VPS13C: variants seen among roughly 807,000 people sequenced by gnomAD.
The protein encoded by VPS13C is intermembrane lipid transfer protein VPS13C.
VPS13C carries 358 observed loss-of-function variants against 456.8 expected under a neutral mutation model. The ratio of observed to expected loss-of-function variants is 0.78; its 90% confidence interval spans 0.72 to 0.86. The LOEUF is 0.86. VPS13C is among the 40% of genes least tolerant of loss of function. VPS13C has a pLI of 0.00. For synonymous variants in VPS13C, 1,578 were observed against 1,486.7 expected, an observed-to-expected ratio of 1.06 and a Z score of -1.41; for missense variants, 4,818 against 4,385.4, an observed-to-expected ratio of 1.10 and a Z score of -2.79.
rs766129799 is a variant in VPS13C at position 61,962,431 on chromosome 15, C to T, written c.3543G>A (p.Leu1181=). ...TCTGAATACAGCCAACATTCAGAGA[C>T]AGCACACCATCCACTTTGGACATGT... is the stretch of plus-strand genomic sequence containing the variant. ...YTDMSKVDGV[L]SLNVGCIQIV... is the part of the protein sequence containing the mutation. Residue 1181 remains leucine (L), a synonymous_variant, in exon 34 of 85, where the codon CTG becomes CTA. Transcript: ENST00000644861. The T allele has an allele frequency of 5.7e-5, 92 of 1,611,024 alleles. No homozygotes were observed. Among genetic ancestry groups the T allele is most frequent in the Admixed American group, 1.0e-4 (6 of 59,944 alleles).
intron 79 of VPS13C, among the ~76,000 whole-genome samples, chr15:61,869,963 G>GGT (rs112245109): frequency 2.8e-4 from 42 of 152,258 alleles, no homozygotes; most frequent in African/African-American, 1.0e-3. Flanking sequence ...GCAACTTGCA[G>GGT]GTGTAAGAAG....
At chr15:61,961,348 C>A (rs1259326692) in intron 35 of VPS13C, among the ~76,000 whole-genome samples, 1 of 150,834 alleles carries the variant, frequency 6.6e-6, no homozygotes, top group Non-Finnish European at 1.5e-5. Flanking sequence ...GCCGAGATCA[C>A]GCCACTGCAC....
intron 66 of VPS13C, among the ~76,000 whole-genome samples, chr15:61,893,320 G>A (rs1038974481): frequency 2.6e-5 from 4 of 152,118 alleles, no homozygotes; most frequent in Non-Finnish European, 5.9e-5. Context: ...GAGGCAGTGG[G>A]ACAACATACT....
intron 38 of VPS13C, among the ~76,000 whole-genome samples, chr15:61,953,283 C>A (rs1007105496): frequency 6.6e-6 from 1 of 151,624 alleles, no homozygotes; most frequent in African/African-American, 2.4e-5. Context: ...TACATGTGCA[C>A]AATGCGCAGG....
chr15:62,013,913 T>G lies in VPS13C; in HGVS notation c.744+20A>C, dbSNP rs375641398. ...AGTGCACCTAGGAAACTAACAAAAA[T>G]TTTTATTCCAACATAATACCTTGTA... On this transcript the variant is annotated intron_variant, in intron 10 of 84. Transcript: ENST00000644861. 123 of 1,579,248 alleles carry G rather than the reference T, an allele frequency of 7.8e-5. No individual in the cohort carries two copies. The highest frequency in any genetic ancestry group is 1.7e-4 in the Middle Eastern group (1 of 5,896).
chr15:62,037,240 A>ATATATAATATATTTATATATATTATAT (rs1351935632), intron 3 of VPS13C, among the ~76,000 whole-genome samples: 6 of 77,810 alleles, frequency 7.7e-5, no homozygotes, highest in African/African-American at 1.7e-4. Context: ...ATATATAAAT[A>ATATATAATATATTTATATATATTATAT]TATATAATAT....
At chr15:61,905,612 T>C (rs1010199401) in intron 66 of VPS13C, among the ~76,000 whole-genome samples, 1 of 152,136 alleles carries the variant, frequency 6.6e-6, no homozygotes, top group Non-Finnish European at 1.5e-5. Context: ...AGCATTAATA[T>C]ATGATATGTC....
chr15:62,019,088 G>A (rs2047363668), intron 9 of VPS13C, among the ~76,000 whole-genome samples: 1 of 152,150 alleles, frequency 6.6e-6, no homozygotes, highest in African/African-American at 2.4e-5. Context: ...GGTGTTTATA[G>A]TATTCTCTGA....
chr15:62,044,160 T>C lies in VPS13C; in HGVS notation c.144+52A>G, dbSNP rs1322415208. 1.2e-5 allele frequency: 16 copies of C among 1,329,804 alleles called. No homozygotes were observed. In the East Asian group the frequency reaches 3.5e-4, roughly 29 times the overall value. 82.4% of individuals were successfully genotyped at this position (1,329,804 alleles called of 1,614,324 possible). On this transcript the variant is annotated intron_variant, in intron 2 of 84. Coordinates refer to ENST00000644861, the MANE Select transcript of VPS13C (RefSeq NM_020821.3). ...CAGATGCCTAGTAGGCAAAGGTTTC[T>C]AAGAACTTACCAAATTAAGTGAGTT... is the stretch of plus-strand genomic sequence containing the variant.
At chr15:61,952,607 T>C (rs1406012859) in intron 38 of VPS13C, among the ~76,000 whole-genome samples, 1 of 152,182 alleles carries the variant, frequency 6.6e-6, no homozygotes, top group African/African-American at 2.4e-5. Flanking sequence ...AAACCTTCAT[T>C]AACTCTGATA....
chr15:61,981,499 G>C (rs1264527232), intron 21 of VPS13C, 21 bp from the exon 22 acceptor site: 1 of 1,559,364 alleles, frequency 6.4e-7, no homozygotes, highest in South Asian at 1.2e-5. Flanking sequence ...AAGAAATAAT[G>C]ACAGATTAGA....
At chr15:62,030,376 C>T (rs1293777809) in intron 5 of VPS13C, among the ~76,000 whole-genome samples, 1 of 152,000 alleles carries the variant, frequency 6.6e-6, no homozygotes, top group African/African-American at 2.4e-5. Flanking sequence ...GTGACTGGAT[C>T]ATTGGGGTGG....
intron 47 of VPS13C, among the ~76,000 whole-genome samples, chr15:61,940,433 T>C (rs1034590235): frequency 6.6e-6 from 1 of 152,250 alleles, no homozygotes; most frequent in Non-Finnish European, 1.5e-5. Flanking sequence ...TATTTATTTT[T>C]GTTGTTTTTA....
intron 43 of VPS13C, 117 bp from the exon 44 acceptor site, chr15:61,946,527 A>C: frequency 1.7e-6 from 1 of 595,356 alleles, no homozygotes; most frequent in Non-Finnish European, 2.7e-6. Flanking sequence ...ACTCATTATA[A>C]GACACATTAA....
chr15:61,882,242 GAGCAAGCA>G (rs1895910817), intron 69 of VPS13C, among the ~76,000 whole-genome samples: 1 of 152,130 alleles, frequency 6.6e-6, no homozygotes, highest in African/African-American at 2.4e-5. Context: ...TGCTGGGAGA[GAGCAAGCA>G]AGCATCCAAA....
chr15:61,864,103 C>T (rs181749607), intron 81 of VPS13C: 228 of 168,740 alleles, frequency 1.4e-3, no homozygotes, highest in African/African-American at 5.3e-3. Flanking sequence ...TAATAAAATT[C>T]CAAGATAATT....
At chr15:62,018,275 T>C (rs905248324) in intron 9 of VPS13C, among the ~76,000 whole-genome samples, 2 of 152,228 alleles carry the variant, frequency 1.3e-5, no homozygotes, top group African/African-American at 4.8e-5. Flanking sequence ...GAATACCCTT[T>C]ATTTCTTTCT....
chr15:61,916,046 G>A (rs1407841660), intron 60 of VPS13C, 24 bp from the exon 61 acceptor site: 3 of 1,527,658 alleles, frequency 2.0e-6, no homozygotes, highest in Non-Finnish European at 2.6e-6. Context: ...AAAATTCGCT[G>A]AGTAACTTTT....
chr15:61,950,326 C>G (rs781308446), intron 41 of VPS13C, 32 bp downstream of exon 41: 1 of 1,554,240 alleles, frequency 6.4e-7, no homozygotes, highest in South Asian at 1.1e-5. Flanking sequence ...ATCAACACAA[C>G]CCAACCTTAT....
Sources: allele counts gnomAD v4.1 joint callset (sites outside exome capture counted in the v4.1 genomes callset), GRCh38; gene constraint gnomAD v4.1.1; transcripts MANE v1.5; gene names NCBI Gene and HGNC (gene_info 2026-07-23, HGNC 2026-07-21).